LHFPL2: variants seen among roughly 807,000 people sequenced by gnomAD.
LHFPL2 encodes the protein LHFPL tetraspan subfamily member 2, also known as LHFPL tetraspan subfamily member 2 protein.
In LHFPL2, 7 loss-of-function variants were observed where a neutral mutation model predicts 17.5. That is an observed-to-expected ratio of 0.40 (90% CI 0.23 to 0.75). The LOEUF (loss-of-function observed/expected upper bound fraction) is 0.75, where lower values mean the gene tolerates loss of function less well. Ranked by LOEUF, LHFPL2 falls within the 30% of genes least tolerant of loss-of-function variation. LHFPL2 has a pLI of 0.37. For missense variants in LHFPL2, 241 were observed against 294.8 expected (o/e 0.82, Z 1.34); for synonymous variants, 134 against 116.2 (o/e 1.15, Z -0.99).
chr5:78,501,002 C>A (rs1264714804), intron 4 of LHFPL2, among the ~76,000 whole-genome samples: 3 of 152,184 alleles, frequency 2.0e-5, no homozygotes, highest in Non-Finnish European at 4.4e-5. Context: ...AGCGAACATA[C>A]ATTTACTGAG....
chr5:78,609,994 C>A (rs1014114198), intron 2 of LHFPL2, among the ~76,000 whole-genome samples: 2 of 152,166 alleles, frequency 1.3e-5, no homozygotes, highest in African/African-American at 4.8e-5. Context: ...CAGCTCCCAG[C>A]ATTAATGGGA....
intron 2 of LHFPL2, among the ~76,000 whole-genome samples, chr5:78,591,890 G>A (rs1172454857): frequency 6.6e-6 from 1 of 152,164 alleles, no homozygotes; most frequent in Non-Finnish European, 1.5e-5. Context: ...TAATCACCAG[G>A]TTTTCTTATT....
intron 3 of LHFPL2, among the ~76,000 whole-genome samples, chr5:78,520,067 C>T (rs1038853835): frequency 3.3e-5 from 5 of 151,974 alleles, no homozygotes; most frequent in Non-Finnish European, 5.9e-5. Context: ...GTCGCTGCCA[C>T]GCTTTTTGGG....
intron 2 of LHFPL2, among the ~76,000 whole-genome samples, chr5:78,568,469 T>C (rs1160208045): frequency 6.6e-6 from 1 of 152,170 alleles, no homozygotes; most frequent in Non-Finnish European, 1.5e-5. Context: ...ATTTATTGAA[T>C]TGAATTGCCA....
chr5:78,537,915 C>T (rs1755998568), intron 3 of LHFPL2, among the ~76,000 whole-genome samples: 1 of 152,186 alleles, frequency 6.6e-6, no homozygotes, highest in South Asian at 2.1e-4. Flanking sequence ...CTGGAAATGG[C>T]CATAAACGCA....
At position 78,532,946 on chromosome 5, in the gene LHFPL2, G is replaced by A. The variant is rs112079101; in HGVS notation, c.-185-22548C>T. On this transcript the variant is annotated intron_variant, in intron 3 of 4. Transcript: ENST00000380345. The stretch of plus-strand genomic sequence containing the variant: ...CTGCACGTGGACAAAGGGACACACC[G>A]AGTGAGGCCCGTGGTGCCAACAACC... Among the ~76,000 whole-genome samples, 445 of 152,318 alleles carry A rather than the reference G, an allele frequency of 2.9e-3. 3 individuals carry two copies. Among genetic ancestry groups the A allele is most frequent in the African/African-American group, 0.01 (425 of 41,556 alleles).
At chr5:78,613,316 C>G (rs1744479698) in intron 2 of LHFPL2, among the ~76,000 whole-genome samples, 1 of 152,080 alleles carries the variant, frequency 6.6e-6, no homozygotes, top group Non-Finnish European at 1.5e-5. Context: ...CAGACTTATC[C>G]CACATACCTT....
intron 3 of LHFPL2, among the ~76,000 whole-genome samples, chr5:78,559,303 T>C (rs1296552870): frequency 6.6e-6 from 1 of 152,228 alleles, no homozygotes; most frequent in Non-Finnish European, 1.5e-5. Context: ...CAACATTTAC[T>C]GAGCAAATAT....
At chr5:78,490,919 C>T (rs1378690733) in intron 4 of LHFPL2, among the ~76,000 whole-genome samples, 1 of 152,150 alleles carries the variant, frequency 6.6e-6, no homozygotes, top group Non-Finnish European at 1.5e-5. Context: ...GGCATCTTGG[C>T]TCTGAGTTCT....
chr5:78,598,525 T>C (rs1743900767), intron 2 of LHFPL2, among the ~76,000 whole-genome samples: 1 of 152,250 alleles, frequency 6.6e-6, no homozygotes, highest in South Asian at 2.1e-4. Context: ...ATTAAGTTGT[T>C]AGAACAGAAG....
rs144242121 is a variant in LHFPL2 at position 78,542,549 on chromosome 5, G to T, written c.-186+22264C>A. On this transcript the variant is annotated intron_variant, in intron 3 of 4. Coordinates refer to ENST00000380345, the MANE Select transcript of LHFPL2 (RefSeq NM_005779.3). ...GTTCCAGCCAAATGGATTTCCTGCT[G>T]AAGCCCACCTCCACGCCGTGCTCAT... Among the ~76,000 whole-genome samples the T allele has an allele frequency of 6.6e-5, 10 of 152,186 alleles. No individual in the cohort carries two copies. The East Asian group carries it at 1.9e-3, about 29-fold the overall frequency.
At chr5:78,495,258 G>C (rs1488931854) in intron 4 of LHFPL2, among the ~76,000 whole-genome samples, 1 of 152,082 alleles carries the variant, frequency 6.6e-6, no homozygotes, top group African/African-American at 2.4e-5. Context: ...AAGGCTCCAT[G>C]GTTATTTCAC....
intron 1 of LHFPL2, among the ~76,000 whole-genome samples, chr5:78,639,963 CAT>C (rs1745612193): frequency 6.6e-6 from 1 of 152,152 alleles, no homozygotes; most frequent in Admixed American, 6.5e-5. Flanking sequence ...AACTAGAAAA[CAT>C]GTGAAATTCA....
chr5:78,578,985 C>T (rs1757209192), intron 2 of LHFPL2, among the ~76,000 whole-genome samples: 1 of 152,186 alleles, frequency 6.6e-6, no homozygotes, highest in African/African-American at 2.4e-5. Flanking sequence ...AGCATCTATT[C>T]ACCAAGAGCT....
intron 3 of LHFPL2, among the ~76,000 whole-genome samples, chr5:78,523,030 C>T (rs1755503756): frequency 6.6e-6 from 1 of 152,038 alleles, no homozygotes; most frequent in African/African-American, 2.4e-5. Flanking sequence ...AAGGGTGGAC[C>T]ATGCTGACAC....
chr5:78,563,449 A>T (rs943714690), intron 3 of LHFPL2, among the ~76,000 whole-genome samples: 20 of 152,104 alleles, frequency 1.3e-4, no homozygotes, highest in African/African-American at 3.9e-4. Flanking sequence ...TAATCCTAGC[A>T]CTTTGGGAGG....
At chr5:78,510,689 C>T (rs1375070083) in intron 3 of LHFPL2, among the ~76,000 whole-genome samples, 1 of 152,258 alleles carries the variant, frequency 6.6e-6, no homozygotes, top group Non-Finnish European at 1.5e-5. Flanking sequence ...GTCCTGGTTG[C>T]TGCTGCACTT....
intron 1 of LHFPL2, chr5:78,644,484 C>G (rs1561380067): frequency 3.2e-6 from 2 of 615,410 alleles, no homozygotes; most frequent in East Asian, 5.7e-5. Flanking sequence ...TACAACTCAC[C>G]AATGGTAGGC....
At chr5:78,581,251 A>G (rs1039186366) in intron 2 of LHFPL2, among the ~76,000 whole-genome samples, 10 of 152,128 alleles carry the variant, frequency 6.6e-5, no homozygotes, top group African/African-American at 2.4e-4. Context: ...GGACAATTTG[A>G]CTTCCTCTTT....
Sources: gnomAD v4.1 joint callset for allele counts (sites outside exome capture counted in the v4.1 genomes callset) on GRCh38, gnomAD v4.1.1 for gene constraint, MANE v1.5 for transcripts, NCBI Gene and HGNC (gene_info 2026-07-23, HGNC 2026-07-21) for gene names.